The following EYS variants were observed in gnomAD, a reference collection of about 807,000 sequenced individuals.
The protein encoded by EYS is protein eyes shut homolog.
Under a neutral mutation model 282.1 loss-of-function variants are expected in EYS, and 250 were observed. That is an observed-to-expected ratio of 0.89 (90% confidence interval 0.80 to 0.98). The LOEUF is 0.98. Among genes scored for constraint, EYS ranks in the 50% least tolerant of loss-of-function variants. The probability of loss-of-function intolerance (pLI) is 0.00; values close to 1 mark genes in which losing one functional copy is unlikely to be tolerated. For synonymous variants in EYS, 1,355 were observed against 1,282.9 expected (o/e 1.06, Z -1.20); for missense variants, 4,016 against 3,709.0 (o/e 1.08, Z -2.15).
At chr6:64,510,430 T>C (rs1455533106) in intron 26 of EYS, among the ~76,000 whole-genome samples, 1 of 152,114 alleles carries the variant, frequency 6.6e-6, no homozygotes, top group East Asian at 1.9e-4. Flanking sequence ...TATATGCAGC[T>C]CTTTAAAATT....
chr6:64,265,910 C>G (rs921276702), intron 30 of EYS, among the ~76,000 whole-genome samples: 1 of 152,038 alleles, frequency 6.6e-6, no homozygotes, highest in Non-Finnish European at 1.5e-5. Context: ...TATCTTTGCT[C>G]TAGGTTTTTT....
intron 35 of EYS, among the ~76,000 whole-genome samples, chr6:63,888,775 G>T (rs1374367895): frequency 6.6e-6 from 1 of 152,212 alleles, no homozygotes; most frequent in Non-Finnish European, 1.5e-5. Context: ...GCACAAAACT[G>T]GATGGAGAAT....
chr6:65,533,676 C>T (rs1767865392), intron 2 of EYS, among the ~76,000 whole-genome samples: 1 of 152,090 alleles, frequency 6.6e-6, no homozygotes, highest in Admixed American at 6.6e-5. Flanking sequence ...GGAGCTTGTT[C>T]ACCCATTCAG....
intron 22 of EYS, among the ~76,000 whole-genome samples, chr6:64,674,737 C>CAT (rs1769591424): frequency 6.7e-6 from 1 of 148,868 alleles, no homozygotes; most frequent in South Asian, 2.1e-4. Context: ...TTAACACACA[C>CAT]ACACACACAC....
At chr6:65,593,393 G>A (rs1254741027) in intron 2 of EYS, among the ~76,000 whole-genome samples, 2 of 151,840 alleles carry the variant, frequency 1.3e-5, no homozygotes, top group Admixed American at 6.6e-5. Flanking sequence ...CTGATACTTC[G>A]GGCGAAACTG....
At chr6:65,543,045 G>A (rs1370216075) in intron 2 of EYS, among the ~76,000 whole-genome samples, 1 of 152,090 alleles carries the variant, frequency 6.6e-6, no homozygotes, top group African/African-American at 2.4e-5. Context: ...TAGAGACAGA[G>A]TTTCAGTCTT....
chr6:65,230,604 C>T (rs115819440), intron 12 of EYS, among the ~76,000 whole-genome samples: 2,747 of 151,658 alleles, frequency 0.018, 78 homozygotes, highest in African/African-American at 0.062. Flanking sequence ...ATTTTCATGT[C>T]TTTTTTTTCC....
At chr6:63,964,573 C>T (rs1245333188) in intron 35 of EYS, among the ~76,000 whole-genome samples, 1 of 152,120 alleles carries the variant, frequency 6.6e-6, no homozygotes, top group Non-Finnish European at 1.5e-5. Context: ...AGATGGAATC[C>T]ACTAGTCCTT....
At chr6:64,096,922 G>A (rs1772641090) in intron 31 of EYS, among the ~76,000 whole-genome samples, 1 of 152,150 alleles carries the variant, frequency 6.6e-6, no homozygotes, top group African/African-American at 2.4e-5. Flanking sequence ...ACGTACAGAT[G>A]GGGTTTTGGT....
chr6:63,935,177 G>C (rs1765020058), intron 35 of EYS, among the ~76,000 whole-genome samples: 1 of 152,154 alleles, frequency 6.6e-6, no homozygotes, highest in Admixed American at 6.6e-5. Context: ...CTTCTCAGCT[G>C]GGATAGAAGC....
chr6:64,511,110 A>G (rs1300199448), intron 26 of EYS, among the ~76,000 whole-genome samples: 5 of 137,262 alleles, frequency 3.6e-5, no homozygotes, highest in Non-Finnish European at 6.6e-5. Context: ...TTCTTTATAA[A>G]TAAAAAAAAT....
intron 29 of EYS, among the ~76,000 whole-genome samples, chr6:64,325,153 T>C (rs1770364021): frequency 6.6e-6 from 1 of 152,134 alleles, no homozygotes; most frequent in African/African-American, 2.4e-5. Context: ...ACAGACCCTC[T>C]GAAGGAAGTG....
intron 13 of EYS, among the ~76,000 whole-genome samples, chr6:65,019,045 G>A (rs1199828548): frequency 1.3e-5 from 2 of 152,074 alleles, no homozygotes; most frequent in Non-Finnish European, 2.9e-5. Flanking sequence ...CATAAATGTA[G>A]AACGAGAAAG....
chr6:64,391,316 A>G (rs1418007502), intron 28 of EYS, among the ~76,000 whole-genome samples: 6 of 152,004 alleles, frequency 3.9e-5, no homozygotes, highest in African/African-American at 2.4e-5. Flanking sequence ...TCCAAGACAC[A>G]TAATTGTCAG....
At chr6:64,734,135 A>C (rs532355482) in intron 22 of EYS, among the ~76,000 whole-genome samples, 1 of 146,042 alleles carries the variant, frequency 6.8e-6, no homozygotes, top group African/African-American at 2.5e-5. Context: ...AAAAAAAAAA[A>C]CAAGTAGAAA....
At chr6:64,678,846 G>A (rs900753753) in intron 22 of EYS, among the ~76,000 whole-genome samples, 72 of 151,948 alleles carry the variant, frequency 4.7e-4, no homozygotes, top group African/African-American at 1.7e-3. Context: ...AATTAGCCGG[G>A]TTTGGTGATA....
chr6:65,338,600 T>A (rs1240717853), intron 10 of EYS, among the ~76,000 whole-genome samples: 1 of 150,972 alleles, frequency 6.6e-6, no homozygotes, highest in Non-Finnish European at 1.5e-5. Flanking sequence ...TTATTAAACT[T>A]TGATTGCACA....
intron 12 of EYS, among the ~76,000 whole-genome samples, chr6:65,136,919 C>A (rs1442548419): frequency 6.6e-6 from 1 of 152,026 alleles, no homozygotes; most frequent in Admixed American, 6.6e-5. Flanking sequence ...TGGGCTGAAG[C>A]AATCTGCCCA....
chr6:64,623,301 A>G (rs2149854441), intron 23 of EYS, among the ~76,000 whole-genome samples: 1 of 152,264 alleles, frequency 6.6e-6, no homozygotes, highest in Non-Finnish European at 1.5e-5. Flanking sequence ...TCACCAAGAT[A>G]ACATTTTGGG....
Sources: allele counts gnomAD v4.1 joint callset (sites outside exome capture counted in the v4.1 genomes callset), GRCh38; gene constraint gnomAD v4.1.1; transcripts MANE v1.5; gene names NCBI Gene and HGNC (gene_info 2026-07-23, HGNC 2026-07-21).